The following PCLO variants were observed in gnomAD, a reference collection of about 807,000 sequenced individuals.
The protein encoded by PCLO is piccolo presynaptic cytomatrix protein, also known as protein piccolo.
Under a neutral mutation model 427.5 loss-of-function variants are expected in PCLO, and 82 were observed. That is an observed-to-expected ratio of 0.19 (90% CI 0.16 to 0.23). PCLO has a LOEUF of 0.23. Ranked by LOEUF, PCLO falls within the 10% of genes least tolerant of loss-of-function variation. PCLO has a pLI of 1.00. For missense variants in PCLO, 6,239 were observed against 6,115.9 expected (o/e 1.02, Z -0.67); for synonymous variants, 2,357 against 2,155.4 (o/e 1.09, Z -2.59).
At position 82,966,147 on chromosome 7, in the gene PCLO, A is replaced by C. The variant is rs1363335113; in HGVS notation, c.3641T>G (p.Leu1214Arg). ...AGGGATTAGTTTTTTTTCTTCAGGG[A>C]GTGGCTTTTTTTCTTGAAGAGCTGA... is the stretch of plus-strand genomic sequence containing the variant. The part of the protein sequence containing the change: ...KASALQEKKP[L>R]PEEKKLIPEE... Residue 1214 changes from leucine (L) to arginine (R), a missense_variant, in exon 4 of 25, where the codon CTC becomes CGC. This residue lies in a region of PCLO where 4,677 missense variants were observed against 4,468.4 expected (regional missense o/e 1.05). Coordinates refer to ENST00000333891, the MANE Select transcript of PCLO (RefSeq NM_033026.6). 6.2e-7 allele frequency: 1 copy of C among 1,604,450 alleles called. No individual in the cohort carries two copies. The highest frequency in any genetic ancestry group is 1.1e-5 in the South Asian group (1 of 89,198).
intron 9 of PCLO, among the ~76,000 whole-genome samples, chr7:82,890,570 A>C (rs756774244): frequency 6.6e-6 from 1 of 151,956 alleles, no homozygotes; most frequent in Non-Finnish European, 1.5e-5. Flanking sequence ...AAATAGATTT[A>C]ACGTTATAGA....
chr7:82,932,008 T>C (rs9690648), intron 6 of PCLO, among the ~76,000 whole-genome samples: 30,041 of 152,080 alleles, frequency 0.2, 5,810 homozygotes, highest in African/African-American at 0.5. Context: ...TGATGGCATA[T>C]TCAGTGGCTA....
chr7:83,006,240 G>A (rs937224168), intron 3 of PCLO, among the ~76,000 whole-genome samples: 7 of 151,568 alleles, frequency 4.6e-5, no homozygotes, highest in Non-Finnish European at 7.4e-5. Context: ...AAAGATATTC[G>A]TGAGTTAATA....
rs758283692 is a variant in PCLO at position 82,845,412 on chromosome 7, C to A, written c.13905G>T (p.Gln4635His). ...CAACTGATGACAGAACCAGCGGTGA[C>A]TGCTGTAGTGAAACCTTCTGGAGTT... is the stretch of plus-strand genomic sequence containing the variant. The part of the protein sequence containing the change: ...AAELQKVSLQ[Q>H]SPLVLSSVVE... The change falls in exon 13 of 25, where the codon CAG (glutamine) becomes CAT (histidine). Residue 4635 changes from glutamine (Q) to histidine (H), a missense_variant. Physicochemically the swap from Gln to His is conservative, Grantham distance 24. Around this residue, in one of 5 missense-constraint regions of PCLO, gnomAD observed 877 missense variants for 925.5 expected, o/e 0.95. Coordinates refer to ENST00000333891, the MANE Select transcript of PCLO (RefSeq NM_033026.6). 1.9e-6 allele frequency: 3 copies of A among 1,613,252 alleles called. No individual in the cohort carries two copies. In the African/African-American group the frequency reaches 4.0e-5, roughly 22 times the overall value.
In PCLO at chr7:82,954,581, T is replaced by C. The variant is rs772840855; in HGVS notation, c.6372A>G (p.Thr2124=). The C allele has an allele frequency of 9.9e-6, 16 of 1,613,862 alleles. No homozygotes were observed. Among genetic ancestry groups the C allele is most frequent in the Non-Finnish European group, 1.3e-5 (15 of 1,179,826 alleles). Residue 2124 remains threonine (T), a synonymous_variant, in exon 5 of 25, where the codon ACA becomes ACG. Coordinates refer to ENST00000333891, the MANE Select transcript of PCLO (RefSeq NM_033026.6). ...ASLTDSTSSA[T]LSIPDVKITQ... Reference sequence around the variant, plus strand: ...TTATTTTAACATCTGGGATAGAGAGTGTTGCACTGCTGGTCGAATCTGTAA... The same window carrying C: ...TTATTTTAACATCTGGGATAGAGAGCGTTGCACTGCTGGTCGAATCTGTAA...
At chr7:82,991,494 A>G (rs1402003143) in intron 3 of PCLO, among the ~76,000 whole-genome samples, 1 of 152,128 alleles carries the variant, frequency 6.6e-6, no homozygotes, top group Non-Finnish European at 1.5e-5. Context: ...TACTATCATG[A>G]ACCCTATAAA....
chr7:83,146,596 A>C (rs1584085844), intron 2 of PCLO, among the ~76,000 whole-genome samples: 1 of 116,766 alleles, frequency 8.6e-6, no homozygotes, highest in African/African-American at 3.1e-5. Context: ...TCCAATAAAT[A>C]CTTTTTTTTT....
chr7:82,758,704 G>A lies in PCLO; in HGVS notation c.15300C>T (p.Phe5100=). 6.3e-7 allele frequency: 1 copy of A among 1,595,376 alleles called. No individual in the cohort carries two copies. Among genetic ancestry groups the A allele is most frequent in the Non-Finnish European group, 8.6e-7 (1 of 1,166,090 alleles). ...PAGHSLQILL[F]SNGGKFMKKT... is the part of the protein sequence containing the mutation. ...TTTTCATAAACTTCCCTCCATTGGAGAAAAGTAAAATCTAGAAAAAATAGG... is the reference window on the plus strand; with the variant it reads ...TTTTCATAAACTTCCCTCCATTGGAAAAAAGTAAAATCTAGAAAAAATAGG... Residue 5100 remains phenylalanine, a synonymous_variant, in exon 25 of 25, where the codon TTC becomes TTT. Coordinates refer to ENST00000333891, the MANE Select transcript of PCLO (RefSeq NM_033026.6).
intron 13 of PCLO, among the ~76,000 whole-genome samples, chr7:82,843,149 C>T (rs1385348520): frequency 6.6e-6 from 1 of 152,118 alleles, no homozygotes; most frequent in African/African-American, 2.4e-5. Context: ...ATAGTACCAA[C>T]CTAAGTGTCT....
intron 21 of PCLO, among the ~76,000 whole-genome samples, chr7:82,803,688 A>G (rs898001840): frequency 6.6e-6 from 1 of 152,184 alleles, no homozygotes; most frequent in Non-Finnish European, 1.5e-5. Context: ...TTTATAATTT[A>G]TATTTTTAAA....
chr7:82,935,702 A>G (rs1794936873), intron 6 of PCLO, among the ~76,000 whole-genome samples: 1 of 151,650 alleles, frequency 6.6e-6, no homozygotes, highest in Non-Finnish European at 1.5e-5. Context: ...AGTACTAAAC[A>G]CTATACGATC....
rs978702901 is a variant in PCLO at position 82,961,796 on chromosome 7, G to A, written c.4017+3975C>T. ...AACCACTTCACTTGCTCACCTTTAC[G>A]TTGAAGTTTATTGTTCAGTTATGCA... On this transcript the variant is annotated intron_variant, in intron 4 of 24. Coordinates refer to ENST00000333891, the MANE Select transcript of PCLO (RefSeq NM_033026.6). 2.6e-5 allele frequency among the ~76,000 whole-genome samples: 4 copies of A among 152,216 alleles called. No individual in the cohort carries two copies. In the East Asian group the frequency reaches 5.8e-4, roughly 22 times the overall value.
intron 3 of PCLO, among the ~76,000 whole-genome samples, chr7:83,085,392 T>C (rs1007448175): frequency 8.5e-5 from 13 of 152,204 alleles, no homozygotes; most frequent in Admixed American, 3.9e-4. Flanking sequence ...ATGAGAAAAC[T>C]GAGGCACATT....
chr7:82,954,683 A>T lies in PCLO; in HGVS notation c.6270T>A (p.Asp2090Glu), dbSNP rs1187544202. The stretch of plus-strand genomic sequence containing the variant: ...CAAAGTCCATGGTGGACTCTGTCAT[A>T]TCCTCACCAATGGGGGCCTGGGTTG... ...SSPTQAPIGE[D>E]MTESTMDFDR... is the part of the protein sequence containing the mutation. Residue 2090 changes from aspartate to glutamate, a missense_variant, in exon 5 of 25, where the codon GAT becomes GAA. Asp to Glu is a conservative substitution (Grantham distance 45). Around this residue, in one of 5 missense-constraint regions of PCLO, gnomAD observed 4,677 missense variants for 4,468.4 expected, o/e 1.05. Transcript: ENST00000333891. 7.4e-6 allele frequency: 12 copies of T among 1,613,810 alleles called. No homozygotes were observed. The highest frequency in any genetic ancestry group is 1.0e-5 in the Non-Finnish European group (12 of 1,179,854).
chr7:83,031,313 C>A (rs540572492), intron 3 of PCLO, among the ~76,000 whole-genome samples: 14 of 152,192 alleles, frequency 9.2e-5, no homozygotes, highest in Non-Finnish European at 1.9e-4. Flanking sequence ...CGGTACTTTT[C>A]CTGCAGTAGC....
chr7:83,161,106 CT>C (rs1792425051), intron 1 of PCLO, among the ~76,000 whole-genome samples: 1 of 152,098 alleles, frequency 6.6e-6, no homozygotes, highest in Non-Finnish European at 1.5e-5. Context: ...GATAAACAGA[CT>C]TTTTACCTGG....
At chr7:82,957,111 G>A (rs771281289) in intron 4 of PCLO, among the ~76,000 whole-genome samples, 176 bp from the exon 5 acceptor site, 8 of 152,068 alleles carry the variant, frequency 5.3e-5, no homozygotes, top group Non-Finnish European at 1.2e-4. Context: ...GCGTTGGTAA[G>A]GTTAGTTTCC....
At chr7:83,003,789 T>C (rs960487688) in intron 3 of PCLO, among the ~76,000 whole-genome samples, 8 of 151,814 alleles carry the variant, frequency 5.3e-5, no homozygotes, top group African/African-American at 1.9e-4. Context: ...ACCAGGAATA[T>C]TGGCCTGAGT....
In PCLO at chr7:82,755,481, TTTG is replaced by T. The variant is rs1337698687; in HGVS notation, c.*3091_*3093del. On this transcript the variant is annotated 3_prime_UTR_variant, in exon 25 of 25. Coordinates refer to ENST00000333891, the MANE Select transcript of PCLO (RefSeq NM_033026.6). ...TTTTGTAAAAAATTCACTCTGTGCT[TTTG>T]TTTCTACAGCCGAAAGTTTCTTTAG... 3 of 152,110 alleles carry T rather than the reference TTTG, an allele frequency of 2.0e-5. No individual in the cohort carries two copies. The highest frequency in any genetic ancestry group is 4.4e-5 in the Non-Finnish European group (3 of 68,012). 9.4% of individuals were successfully genotyped at this position (152,110 alleles called of 1,614,324 possible). A position where few individuals can be genotyped will look rare whatever the true frequency, so the allele number is the denominator to read the frequency against.
Sources: allele counts gnomAD v4.1 joint callset (sites outside exome capture counted in the v4.1 genomes callset), GRCh38; gene constraint gnomAD v4.1.1; regional missense constraint gnomAD v4.1.1; transcripts MANE v1.5; gene names NCBI Gene and HGNC (gene_info 2026-07-23, HGNC 2026-07-21).